Variants in GRM5 observed in about 807,000 individuals in gnomAD.
The protein encoded by GRM5 is glutamate metabotropic receptor 5.
GRM5 carries 19 observed loss-of-function variants against 83.1 expected under a neutral mutation model. The observed-to-expected ratio is 0.23, with a 90% CI of 0.16 to 0.34. GRM5 has a LOEUF of 0.34. GRM5 is among the 10% of genes least tolerant of loss of function. GRM5 has a pLI of 1.00. For synonymous variants in GRM5, 675 were observed against 633.6 expected (o/e 1.07, Z -0.98); for missense variants, 1,160 against 1,588.3 (o/e 0.73, Z 4.58).
At chr11:89,026,386 C>T (rs1422550883) in intron 2 of GRM5, among the ~76,000 whole-genome samples, 1 of 152,120 alleles carries the variant, frequency 6.6e-6, no homozygotes, top group South Asian at 2.1e-4. Flanking sequence ...TAGTTGACTC[C>T]ATGAGTAGAA....
At chr11:88,700,653 T>C (rs1247482511) in intron 3 of GRM5, among the ~76,000 whole-genome samples, 1 of 152,152 alleles carries the variant, frequency 6.6e-6, no homozygotes, top group African/African-American at 2.4e-5. Flanking sequence ...TGGCAGCTCA[T>C]AGAGTAATCT....
chr11:88,721,048 A>T (rs1941526347), intron 3 of GRM5, among the ~76,000 whole-genome samples: 1 of 152,046 alleles, frequency 6.6e-6, no homozygotes, highest in Non-Finnish European at 1.5e-5. Flanking sequence ...TGTGATTTTA[A>T]GTACATTCTT....
chr11:88,566,912 A>G, intron 8 of GRM5, 141 bp downstream of exon 8: 1 of 605,354 alleles, frequency 1.7e-6, no homozygotes. Flanking sequence ...ATACCATTTT[A>G]TGAGAAGGTC....
chr11:88,616,466 C>T (rs1591384799), intron 4 of GRM5, among the ~76,000 whole-genome samples: 1 of 138,214 alleles, frequency 7.2e-6, no homozygotes. Context: ...TACTTTGCTG[C>T]ATGGAAAATA....
chr11:88,524,221 T>TCTTTCTTTGTTTCTGTC (rs746872970), intron 9 of GRM5, among the ~76,000 whole-genome samples: 1 of 56,276 alleles, frequency 1.8e-5, no homozygotes. Flanking sequence ...TTTCTTTTTT[T>TCTTTCTTTGTTTCTGTC]TTTTTTTTTT....
chr11:88,986,371 A>G (rs563292038), intron 2 of GRM5, among the ~76,000 whole-genome samples: 1 of 152,194 alleles, frequency 6.6e-6, no homozygotes, highest in Admixed American at 6.5e-5. Flanking sequence ...GTGTGGCTAT[A>G]AAAGGATAAC....
At chr11:88,696,220 G>C (rs1940898597) in intron 3 of GRM5, among the ~76,000 whole-genome samples, 1 of 152,144 alleles carries the variant, frequency 6.6e-6, no homozygotes, top group South Asian at 2.1e-4. Flanking sequence ...TTTCACTGTT[G>C]ATGGTCTGCC....
intron 2 of GRM5, among the ~76,000 whole-genome samples, chr11:88,985,098 G>C (rs1010267265): frequency 1.6e-4 from 24 of 151,926 alleles, no homozygotes; most frequent in African/African-American, 5.6e-4. Context: ...AAGGAATAAA[G>C]CCTGCCATTC....
At chr11:88,848,778 G>A (rs1217717466) in intron 3 of GRM5, among the ~76,000 whole-genome samples, 1 of 152,130 alleles carries the variant, frequency 6.6e-6, no homozygotes, top group Non-Finnish European at 1.5e-5. Context: ...ACATTAATCT[G>A]CCTGTGTCTG....
chr11:89,065,927 T>C lies in GRM5; in HGVS notation c.-352A>G, dbSNP rs1310380744. ...AGAACGGCTGCGGGGCCCGCGGCGG[T>C]GGCGCTCGCTCTCTCGCGCCAGCGC... On this transcript the variant is annotated 5_prime_UTR_variant, in exon 1 of 10. Transcript: ENST00000305447. 6.6e-6 allele frequency: 1 copy of C among 151,936 alleles called. No individual in the cohort carries two copies. Among genetic ancestry groups the C allele is most frequent in the Non-Finnish European group, 1.5e-5 (1 of 67,980 alleles). 9.4% of individuals were successfully genotyped at this position (151,936 alleles called of 1,614,324 possible).
intron 2 of GRM5, among the ~76,000 whole-genome samples, chr11:88,893,291 T>C (rs760937565): frequency 1.0e-3 from 157 of 152,204 alleles, no homozygotes; most frequent in Non-Finnish European, 1.6e-3. Flanking sequence ...AAGGATCTTG[T>C]ATGATAAATA....
intron 2 of GRM5, among the ~76,000 whole-genome samples, chr11:89,027,855 T>C (rs1003570650): frequency 3.3e-5 from 5 of 152,196 alleles, no homozygotes; most frequent in Admixed American, 6.5e-5. Context: ...AAAACACATG[T>C]TGAAATTTGC....
intron 2 of GRM5, among the ~76,000 whole-genome samples, chr11:88,927,846 C>A (rs1945816400): frequency 6.6e-6 from 1 of 151,972 alleles, no homozygotes; most frequent in Admixed American, 6.6e-5. Context: ...ATTAATAGCT[C>A]AAATAAAGCC....
rs191349310 is a variant in GRM5, at chr11:88,977,135, T to A, written c.661+70077A>T. On this transcript the variant is annotated intron_variant, in intron 2 of 9. Transcript: ENST00000305447. Reference sequence around the variant, plus strand: ...GTCAAAATGAAGGAACATTTTTAAATGAATTTGAGAAATTCATCCCAGGTG... The same window carrying A: ...GTCAAAATGAAGGAACATTTTTAAAAGAATTTGAGAAATTCATCCCAGGTG... 3.4e-3 allele frequency among the ~76,000 whole-genome samples: 519 copies of A among 151,156 alleles called. 2 individuals carry two copies. The highest frequency in any genetic ancestry group is 6.3e-3 in the Non-Finnish European group (430 of 67,732).
chr11:89,002,725 TC>T (rs1032394589), intron 2 of GRM5, among the ~76,000 whole-genome samples: 1 of 152,136 alleles, frequency 6.6e-6, no homozygotes, highest in African/African-American at 2.4e-5. Context: ...TTAACATAAA[TC>T]AGAGAACCTC....
At chr11:88,679,779 C>A (rs1437576946) in intron 3 of GRM5, among the ~76,000 whole-genome samples, 9 of 152,134 alleles carry the variant, frequency 5.9e-5, no homozygotes, top group African/African-American at 2.2e-4. Flanking sequence ...CTTAGCTTCA[C>A]CATACTTGAT....
intron 3 of GRM5, among the ~76,000 whole-genome samples, chr11:88,769,739 C>A (rs1298210764): frequency 6.6e-6 from 1 of 151,982 alleles, no homozygotes; most frequent in African/African-American, 2.4e-5. Flanking sequence ...TCTGCAAGTC[C>A]AGACTGATGT....
Position 88,874,182 on chromosome 11 carries a change from A to AC in GRM5, c.662-24028_662-24027insG, listed in dbSNP as rs397766064. Among the ~76,000 whole-genome samples the AC allele has an allele frequency of 2.6e-5, 4 of 151,228 alleles. No individual in the cohort carries two copies. In the East Asian group the frequency reaches 7.7e-4, roughly 29 times the overall value. On this transcript the variant is annotated intron_variant, in intron 2 of 9. Transcript: ENST00000305447. ...TCTTTCTGAGATGATTTAAAAAAAA[A>AC]GGAAGTACAAGGAATCCTTGTAAAT... is the stretch of plus-strand genomic sequence containing the variant.
In GRM5 at chr11:88,763,279, G is replaced by GT. The variant is rs780896799; in HGVS notation, c.911+86626dup. Among the ~76,000 whole-genome samples the GT allele has an allele frequency of 3.9e-3, 15 of 3,848 alleles. No homozygotes were observed. The Non-Finnish European group carries it at 0.06, about 15-fold the overall frequency. 2.5% of individuals were successfully genotyped at this position (3,848 alleles called of 152,430 possible). ...TATACATGAAATAGGCCTTGAGGGA[G>GT]TCTGTAGGGTTAAATTAAGGGACAC... On this transcript the variant is annotated intron_variant, in intron 3 of 9. Coordinates refer to ENST00000305447, the MANE Select transcript of GRM5 (RefSeq NM_001143831.3).
Sources: allele counts gnomAD v4.1 joint callset (sites outside exome capture counted in the v4.1 genomes callset), GRCh38; gene constraint gnomAD v4.1.1; transcripts MANE v1.5; gene names NCBI Gene and HGNC (gene_info 2026-07-23, HGNC 2026-07-21).